Variants in GPI observed in about 807,000 individuals in gnomAD.
The protein encoded by GPI is D-hexose-6-phosphate anomerase.
GPI carries 56 observed loss-of-function variants against 75.8 expected under a neutral mutation model. That is an observed-to-expected ratio of 0.74 (90% CI 0.60 to 0.92). The LOEUF is 0.92. Ranked by LOEUF, GPI falls within the 40% of genes least tolerant of loss-of-function variation. The pLI is 0.00. For missense variants in GPI, 638 were observed against 741.0 expected, an observed-to-expected ratio of 0.86 and a Z score of 1.61; for synonymous variants, 288 against 285.4, an observed-to-expected ratio of 1.01 and a Z score of -0.09.
intron 6 of GPI, among the ~76,000 whole-genome samples, chr19:34,378,204 T>C (rs1295188233): frequency 1.3e-5 from 2 of 152,078 alleles, no homozygotes; most frequent in Non-Finnish European, 2.9e-5. Flanking sequence ...TTTCTTGTTG[T>C]TGTTTTTGAG....
At chr19:34,375,514 T>C (rs2074522004) in intron 4 of GPI, among the ~76,000 whole-genome samples, 2 of 152,066 alleles carry the variant, frequency 1.3e-5, no homozygotes, top group Admixed American at 1.3e-4. Flanking sequence ...GCTTAGCTGG[T>C]TGGTCTTGGT....
chr19:34,361,074 G>A (rs2074298667), upstream of GPI, among the ~76,000 whole-genome samples: 1 of 151,508 alleles, frequency 6.6e-6, no homozygotes, highest in Non-Finnish European at 1.5e-5. Context: ...CACTGCACCC[G>A]GCCTTGTTTC....
intron 9 of GPI, among the ~76,000 whole-genome samples, chr19:34,391,434 G>A: frequency 4.6e-4 from 1 of 2,152 alleles, no homozygotes. Context: ...GTCTGTCAAA[G>A]TCTGAGGAGT....
chr19:34,368,807 C>T, intron 4 of GPI, 105 bp downstream of exon 4: 1 of 1,295,092 alleles, frequency 7.7e-7, no homozygotes, highest in East Asian at 2.4e-5. Flanking sequence ...AGGCAGGACT[C>T]AGGTTCTCAC....
Position 34,400,183 on chromosome 19 carries a change from G to T in GPI, c.*147G>T. ...CACGAGCCCTTAGCAGGGAAGGCTG[G>T]TCTCCCCCAGCCTAACCCCCAGCCC... On this transcript the variant is annotated 3_prime_UTR_variant, in exon 18 of 18. Transcript: ENST00000356487. 2.4e-6 allele frequency: 2 copies of T among 816,466 alleles called. No individual in the cohort carries two copies. The highest frequency in any genetic ancestry group is 4.2e-6 in the Non-Finnish European group (2 of 481,416). The allele number at this position is 816,466 out of a possible 1,614,324, so 50.6% of individuals were successfully genotyped here. A position where few individuals can be genotyped will look rare whatever the true frequency, so the allele number is the denominator to read the frequency against.
At chr19:34,366,298 G>C in intron 1 of GPI, 47 bp from the exon 2 acceptor site, 1 of 1,241,474 alleles carries the variant, frequency 8.1e-7, no homozygotes, top group Non-Finnish European at 1.2e-6. Flanking sequence ...ATGGCTCCCC[G>C]CTAGGGAGAC....
chr19:34,400,769 G>T lies in GPI; in HGVS notation c.*733G>T. ...TTTTTGAGTCTCGCTCTGTCACCCAGACTGGAGTGCAGTGGTGCAATCTCG... is the reference window on the plus strand; with the variant it reads ...TTTTTGAGTCTCGCTCTGTCACCCATACTGGAGTGCAGTGGTGCAATCTCG... On this transcript the variant is annotated 3_prime_UTR_variant, in exon 18 of 18. Transcript: ENST00000356487. 2 of 395,442 alleles carry T rather than the reference G, an allele frequency of 5.1e-6. No individual in the cohort carries two copies. The highest frequency in any genetic ancestry group is 4.5e-6 in the Non-Finnish European group (1 of 224,408). 24.5% of individuals were successfully genotyped at this position (395,442 alleles called of 1,614,324 possible). A position where few individuals can be genotyped will look rare whatever the true frequency, so the allele number is the denominator to read the frequency against.
At chr19:34,394,328 CAG>C (rs1377367682) in intron 12 of GPI, among the ~76,000 whole-genome samples, 4 of 152,176 alleles carry the variant, frequency 2.6e-5, no homozygotes, top group African/African-American at 9.6e-5. Flanking sequence ...TGGCTTGACT[CAG>C]GGGATGTTTC....
Position 34,400,019 on chromosome 19 carries a change from G to A in GPI, c.1660G>A (p.Glu554Lys), listed in dbSNP as rs2075000078. The change falls in exon 18 of 18, where the codon GAG (glutamate) becomes AAG (lysine). Residue 554 changes from glutamate (E) to lysine (K), a missense_variant. By Grantham distance (56) the Glu-to-Lys change is moderately conservative. Transcript: ENST00000356487. ...GLINFIKQQR[E>K]ARVQ is the part of the protein sequence containing the mutation. Reference sequence around the variant, plus strand: ...CATCAACTTCATCAAGCAGCAGCGCGAGGCCAGAGTCCAATAAACTCGTGC... The same window carrying A: ...CATCAACTTCATCAAGCAGCAGCGCAAGGCCAGAGTCCAATAAACTCGTGC... 1.9e-6 allele frequency: 3 copies of A among 1,612,470 alleles called. No homozygotes were observed. The highest frequency in any genetic ancestry group is 1.1e-5 in the South Asian group (1 of 91,038).
chr19:34,386,842 A>G (rs1333938176), intron 9 of GPI, among the ~76,000 whole-genome samples: 1 of 152,014 alleles, frequency 6.6e-6, no homozygotes. Flanking sequence ...GCCTGGGGAC[A>G]GTGGGTTAGT....
In GPI at chr19:34,400,504, A is replaced by G. The variant is rs137907426; in HGVS notation, c.*468A>G. On this transcript the variant is annotated 3_prime_UTR_variant, in exon 18 of 18. Coordinates refer to ENST00000356487, the MANE Select transcript of GPI (RefSeq NM_000175.5). ...AAGACAATAGTGGGGTGGGGGCACA[A>G]TCAGTCAGGACGGCAACTTGGCCTG... is the stretch of plus-strand genomic sequence containing the variant. 676 of 502,960 alleles carry G rather than the reference A, an allele frequency of 1.3e-3. 2 individuals carry two copies. The East Asian group carries it at 0.019, about 14-fold the overall frequency. The allele number at this position is 502,960 out of a possible 1,614,324, so 31.2% of individuals were successfully genotyped here. A position where few individuals can be genotyped will look rare whatever the true frequency, so the allele number is the denominator to read the frequency against.
chr19:34,399,351 T>A lies in GPI; in HGVS notation c.1398+16T>A, dbSNP rs754209262. 6.2e-7 allele frequency: 1 copy of A among 1,613,956 alleles called. No individual in the cohort carries two copies. Among genetic ancestry groups the A allele is most frequent in the Admixed American group, 1.7e-5 (1 of 60,014 alleles). ...GCCACATAAGGTCAGCACTTCTGCA[T>A]TTGGCTTTGGGGTGCATGCTGGAGT... On this transcript the variant is annotated intron_variant, in intron 15 of 17. Coordinates refer to ENST00000356487, the MANE Select transcript of GPI (RefSeq NM_000175.5).
chr19:34,365,344 G>T lies in GPI; in HGVS notation c.78G>T (p.Leu26=). ...GCGAGCACCGCTCCGAGCTGAACCT[G>T]CGCCGCCTCTTCGATGCCAACAAGG... is the stretch of plus-strand genomic sequence containing the variant. ...WYREHRSELN[L]RRLFDANKDR... The change falls in exon 1 of 18, where the codon CTG becomes CTT. Residue 26 remains leucine (L), a synonymous_variant. Coordinates refer to ENST00000356487, the MANE Select transcript of GPI (RefSeq NM_000175.5). 1 of 1,591,416 alleles carries T rather than the reference G, an allele frequency of 6.3e-7. No homozygotes were observed.
chr19:34,393,331 C>G lies in GPI; in HGVS notation c.865+23C>G. The G allele has an allele frequency of 5.0e-6, 8 of 1,592,090 alleles. No individual in the cohort carries two copies. The highest frequency in any genetic ancestry group is 6.9e-6 in the Non-Finnish European group (8 of 1,159,876). ...TGGGTGAGTGTGTTTCTGTGTCTTG[C>G]AGCCCCTGTGGGAGACAGTGTTGCA... On this transcript the variant is annotated intron_variant, in intron 10 of 17. Coordinates refer to ENST00000356487, the MANE Select transcript of GPI (RefSeq NM_000175.5). This position sits in a 1 kb window ranked among gnomAD's most constrained non-coding sequence, Gnocchi z 4.4.
chr19:34,381,342 C>T, intron 8 of GPI, 124 bp from the exon 9 acceptor site: 1 of 777,962 alleles, frequency 1.3e-6, no homozygotes, highest in Non-Finnish European at 2.3e-6. Flanking sequence ...CTGCCCCATC[C>T]CTGGCTCTGG....
At chr19:34,394,691 C>A (rs900700052) in intron 12 of GPI, among the ~76,000 whole-genome samples, 2 of 151,694 alleles carry the variant, frequency 1.3e-5, no homozygotes, top group Non-Finnish European at 2.9e-5. Context: ...CACATTATGT[C>A]CCAGAAAGCT....
chr19:34,371,346 G>T (rs890933828), intron 4 of GPI, among the ~76,000 whole-genome samples: 1 of 152,200 alleles, frequency 6.6e-6, no homozygotes, highest in Non-Finnish European at 1.5e-5. Context: ...AAACCAAGCT[G>T]TACTCATTTG....
At chr19:34,373,653 C>T (rs1010422690) in intron 4 of GPI, among the ~76,000 whole-genome samples, 1 of 151,850 alleles carries the variant, frequency 6.6e-6, no homozygotes, top group Non-Finnish European at 1.5e-5. Flanking sequence ...CAAAATTTAG[C>T]AACTAGAAGC....
intron 1 of GPI, 99 bp downstream of exon 1, chr19:34,365,487 C>T: frequency 6.7e-7 from 1 of 1,499,168 alleles, no homozygotes; most frequent in Non-Finnish European, 8.9e-7. Flanking sequence ...CCCGGGGACC[C>T]CAGTCCCCGA....
Sources: allele counts gnomAD v4.1 joint callset (sites outside exome capture counted in the v4.1 genomes callset), GRCh38; gene constraint gnomAD v4.1.1; non-coding constraint Gnocchi (gnomAD v3.1); transcripts MANE v1.5; gene names NCBI Gene and HGNC (gene_info 2026-07-23, HGNC 2026-07-21).